DIAPH3: variants seen among roughly 807,000 people sequenced by gnomAD.
The protein encoded by DIAPH3 is protein diaphanous homolog 3.
DIAPH3 carries 117 observed loss-of-function variants against 144.3 expected under a neutral mutation model. The ratio of observed to expected loss-of-function variants is 0.81; its 90% confidence interval spans 0.70 to 0.95. The LOEUF (loss-of-function observed/expected upper bound fraction) is 0.95, where lower values mean the gene tolerates loss of function less well. Among genes scored for constraint, DIAPH3 ranks in the 40% least tolerant of loss-of-function variants. DIAPH3 has a pLI of 0.00. For synonymous variants in DIAPH3, 519 were observed against 488.9 expected, an observed-to-expected ratio of 1.06 and a Z score of -0.81; for missense variants, 1,421 against 1,412.7, an observed-to-expected ratio of 1.01 and a Z score of -0.09.
At chr13:59,714,146 G>A (rs907080614) in intron 27 of DIAPH3, among the ~76,000 whole-genome samples, 6 of 151,898 alleles carry the variant, frequency 4.0e-5, no homozygotes, top group African/African-American at 1.5e-4. Flanking sequence ...GGATCACGAG[G>A]TCAGGAGATC....
chr13:59,690,954 G>A (rs1158025614), intron 27 of DIAPH3, among the ~76,000 whole-genome samples: 1 of 152,164 alleles, frequency 6.6e-6, no homozygotes, highest in Non-Finnish European at 1.5e-5. Flanking sequence ...CAGAAGCAAA[G>A]AGGACAGAGG....
At chr13:59,742,028 CAGA>C (rs1419655867) in intron 27 of DIAPH3, among the ~76,000 whole-genome samples, 4 of 152,160 alleles carry the variant, frequency 2.6e-5, no homozygotes, top group Non-Finnish European at 4.4e-5. Context: ...CCAATCATGG[CAGA>C]AGGAGAAGGA....
At chr13:60,023,409 T>C (rs1192028490) in intron 5 of DIAPH3, among the ~76,000 whole-genome samples, 1 of 152,132 alleles carries the variant, frequency 6.6e-6, no homozygotes, top group East Asian at 1.9e-4. Flanking sequence ...GCTTTCAAGA[T>C]GTTTTTATCT....
At chr13:59,740,118 T>G (rs1242149569) in intron 27 of DIAPH3, among the ~76,000 whole-genome samples, 1 of 152,228 alleles carries the variant, frequency 6.6e-6, no homozygotes, top group East Asian at 1.9e-4. Context: ...TTCACATTTT[T>G]GATAATGTGT....
chr13:60,038,554 C>T (rs2055394477), intron 5 of DIAPH3, among the ~76,000 whole-genome samples: 2 of 152,134 alleles, frequency 1.3e-5, no homozygotes, highest in Non-Finnish European at 2.9e-5. Flanking sequence ...AGGCTGTTTA[C>T]TTGTTTTCAC....
chr13:59,842,451 C>T (rs1688013696), intron 22 of DIAPH3, among the ~76,000 whole-genome samples: 1 of 152,044 alleles, frequency 6.6e-6, no homozygotes, highest in Non-Finnish European at 1.5e-5. Flanking sequence ...TACATTGTTC[C>T]AACACCAATC....
At chr13:60,092,198 A>G (rs2057960137) in intron 4 of DIAPH3, among the ~76,000 whole-genome samples, 1 of 152,040 alleles carries the variant, frequency 6.6e-6, no homozygotes, top group Non-Finnish European at 1.5e-5. Context: ...AGGTAAAATA[A>G]GATTTCCAAG....
chr13:59,953,949 C>T (rs940388381), intron 17 of DIAPH3, among the ~76,000 whole-genome samples: 8 of 152,126 alleles, frequency 5.3e-5, no homozygotes, highest in African/African-American at 1.9e-4. Flanking sequence ...GAAAGGCTAT[C>T]GCTGTTTCTA....
At chr13:60,083,146 C>A (rs2057619867) in intron 4 of DIAPH3, among the ~76,000 whole-genome samples, 1 of 151,884 alleles carries the variant, frequency 6.6e-6, no homozygotes, top group Non-Finnish European at 1.5e-5. Flanking sequence ...GACTAGGAGC[C>A]AACTAGACAA....
chr13:60,076,463 C>G (rs1364465765), intron 4 of DIAPH3, among the ~76,000 whole-genome samples: 2 of 152,110 alleles, frequency 1.3e-5, no homozygotes, highest in African/African-American at 4.8e-5. Context: ...GTTTCAGCAC[C>G]TGATATCCTC....
At chr13:59,842,379 A>G (rs543593364) in intron 22 of DIAPH3, among the ~76,000 whole-genome samples, 3 of 152,294 alleles carry the variant, frequency 2.0e-5, no homozygotes. Flanking sequence ...CCATATGAGA[A>G]AAAGCACAGG....
chr13:59,980,349 G>A (rs1281806527), intron 14 of DIAPH3, among the ~76,000 whole-genome samples: 3 of 151,534 alleles, frequency 2.0e-5, no homozygotes, highest in East Asian at 3.9e-4. Context: ...ATCATTTCTT[G>A]AGAATTACCA....
At chr13:60,081,605 C>T (rs1220877052) in intron 4 of DIAPH3, among the ~76,000 whole-genome samples, 1 of 152,146 alleles carries the variant, frequency 6.6e-6, no homozygotes, top group Non-Finnish European at 1.5e-5. Context: ...CAAAATCAAA[C>T]ACCCAACAAT....
chr13:59,879,131 G>A (rs1048944895), intron 21 of DIAPH3, 98 bp downstream of exon 21: 17 of 1,523,538 alleles, frequency 1.1e-5, no homozygotes, highest in Admixed American at 7.2e-5. Context: ...TTGATAATGA[G>A]CACATCAAAA....
intron 4 of DIAPH3, among the ~76,000 whole-genome samples, chr13:60,072,846 C>T (rs9563783): frequency 3.3e-5 from 5 of 152,068 alleles, no homozygotes; most frequent in Non-Finnish European, 5.9e-5. Context: ...TTATTCTTCA[C>T]AACAACCATT....
chr13:59,976,155 A>G (rs1312848897), intron 14 of DIAPH3, among the ~76,000 whole-genome samples: 1 of 151,876 alleles, frequency 6.6e-6, no homozygotes, highest in Non-Finnish European at 1.5e-5. Flanking sequence ...GTATTCTTAA[A>G]CCACACTCAC....
intron 27 of DIAPH3, among the ~76,000 whole-genome samples, chr13:59,694,962 C>A (rs2033721789): frequency 6.6e-6 from 1 of 152,046 alleles, no homozygotes. Flanking sequence ...GTTAGTAAAA[C>A]CCTCATGTAA....
At chr13:60,114,240 T>C (rs559140432) in intron 2 of DIAPH3, among the ~76,000 whole-genome samples, 2 of 146,518 alleles carry the variant, frequency 1.4e-5, no homozygotes, top group East Asian at 2.0e-4. Context: ...ACACATGAGA[T>C]GAATAATTTC....
intron 4 of DIAPH3, among the ~76,000 whole-genome samples, chr13:60,072,723 A>G (rs921808933): frequency 6.6e-5 from 10 of 152,340 alleles, no homozygotes; most frequent in African/African-American, 2.4e-4. Flanking sequence ...GAGAAATAAT[A>G]TCAGAAATAA....
Sources: gnomAD v4.1 joint callset for allele counts (sites outside exome capture counted in the v4.1 genomes callset) on GRCh38, gnomAD v4.1.1 for gene constraint, MANE v1.5 for transcripts, NCBI Gene and HGNC (gene_info 2026-07-23, HGNC 2026-07-21) for gene names.